The following PDE1C variants were observed in gnomAD, a reference collection of about 807,000 sequenced individuals.
The protein encoded by PDE1C is dual specificity calcium/calmodulin-dependent 3',5'-cyclic nucleotide phosphodiesterase 1C.
Under a neutral mutation model 93.1 loss-of-function variants are expected in PDE1C, and 62 were observed. The ratio of observed to expected loss-of-function variants is 0.67; its 90% CI spans 0.54 to 0.82. The LOEUF is 0.82. PDE1C is among the 40% of genes least tolerant of loss of function. The pLI is 0.00. For synonymous variants in PDE1C, 325 were observed against 310.1 expected (o/e 1.05, Z -0.50); for missense variants, 742 against 884.6 (o/e 0.84, Z 2.04).
the PDE1C span, among the ~76,000 whole-genome samples, chr7:31,694,647 C>T: frequency 6.6e-6 from 1 of 152,082 alleles, no homozygotes; most frequent in African/African-American, 2.4e-5. Context: ...TCTGGAGCAG[C>T]AGGTAAACCA....
intron 2 of PDE1C, among the ~76,000 whole-genome samples, chr7:31,938,342 G>T (rs1805367485): frequency 6.8e-6 from 1 of 146,614 alleles, no homozygotes; most frequent in Non-Finnish European, 1.5e-5. Flanking sequence ...TCACATATTT[G>T]GGTAATTCCA....
intron 16 of PDE1C, among the ~76,000 whole-genome samples, chr7:31,776,560 A>G (rs547119003): frequency 6.6e-6 from 1 of 152,294 alleles, no homozygotes; most frequent in African/African-American, 2.4e-5. Context: ...TCCTGCCAAA[A>G]AATTTTACAT....
chr7:31,969,732 G>C (rs1467771573), intron 2 of PDE1C, among the ~76,000 whole-genome samples: 1 of 152,104 alleles, frequency 6.6e-6, no homozygotes, highest in African/African-American at 2.4e-5. Context: ...GCAAAGACTT[G>C]GAACCAACCC....
intron 2 of PDE1C, among the ~76,000 whole-genome samples, chr7:31,937,498 T>C (rs1805260660): frequency 6.6e-6 from 1 of 152,180 alleles, no homozygotes; most frequent in Non-Finnish European, 1.5e-5. Context: ...AGGCATGTCC[T>C]GGTGCTCCCT....
intron 3 of PDE1C, among the ~76,000 whole-genome samples, chr7:32,132,118 A>T (rs943707762): frequency 6.6e-6 from 1 of 152,058 alleles, no homozygotes; most frequent in African/African-American, 2.4e-5. Flanking sequence ...TGACTTAGGT[A>T]AAGGGTGCTT....
the PDE1C span, among the ~76,000 whole-genome samples, chr7:31,621,878 C>A: frequency 0.25 from 38,100 of 151,590 alleles, 5,658 homozygotes; most frequent in Non-Finnish European, 0.33. Context: ...CATGCAGAGA[C>A]ACATAGGCTC....
intron 2 of PDE1C, among the ~76,000 whole-genome samples, chr7:31,959,595 T>G (rs1453405542): frequency 6.6e-6 from 1 of 152,168 alleles, no homozygotes; most frequent in East Asian, 1.9e-4. Flanking sequence ...AAGACTATGG[T>G]GACAGGAAAT....
At chr7:31,668,222 A>G in the PDE1C span, among the ~76,000 whole-genome samples, 2 of 152,168 alleles carry the variant, frequency 1.3e-5, no homozygotes, top group African/African-American at 4.8e-5. Context: ...TTACATTGCT[A>G]TTGGGAAAGT....
the PDE1C span, among the ~76,000 whole-genome samples, chr7:31,630,393 C>G: frequency 6.6e-6 from 1 of 152,080 alleles, no homozygotes; most frequent in Non-Finnish European, 1.5e-5. Flanking sequence ...AGTTCAAAAT[C>G]AGGCCTACTT....
At chr7:31,859,401 C>CAATAATGTACAATGTACAGTAATGGT (rs1794411990) in intron 7 of PDE1C, among the ~76,000 whole-genome samples, 1 of 148,236 alleles carries the variant, frequency 6.7e-6, no homozygotes, top group Non-Finnish European at 1.5e-5. Context: ...ACAGTAATGG[C>CAATAATGTACAATGTACAGTAATGGT]ACAATATCCT....
intron 3 of PDE1C, among the ~76,000 whole-genome samples, chr7:32,150,199 A>G (rs1014784297): frequency 3.9e-5 from 6 of 152,202 alleles, no homozygotes; most frequent in Admixed American, 2.0e-4. Flanking sequence ...TGGCAGAGCC[A>G]CTTTGCTCCG....
chr7:31,630,917 A>G, the PDE1C span, among the ~76,000 whole-genome samples: 88,981 of 151,952 alleles, frequency 0.59, 26,554 homozygotes, highest in East Asian at 0.83. Flanking sequence ...AAATGTATGA[A>G]ATAAGACCAA....
At chr7:31,916,232 A>C (rs1351299224) in intron 2 of PDE1C, among the ~76,000 whole-genome samples, 1 of 152,188 alleles carries the variant, frequency 6.6e-6, no homozygotes, top group Non-Finnish European at 1.5e-5. Context: ...TCTAGTGAGT[A>C]AGCTACCAGA....
the PDE1C span, among the ~76,000 whole-genome samples, chr7:31,621,100 G>A: frequency 6.6e-6 from 1 of 152,008 alleles, no homozygotes; most frequent in African/African-American, 2.4e-5. Flanking sequence ...AGAAATATGG[G>A]ACTATGTGAA....
rs568926429 is a variant in PDE1C, at chr7:32,410,194, G to A, written c.310+17628C>T. Among the ~76,000 whole-genome samples the A allele has an allele frequency of 1.7e-4, 26 of 152,154 alleles. 1 individual carries two copies. The highest frequency in any genetic ancestry group is 3.4e-3 in the Middle Eastern group (1 of 294). On this transcript the variant is annotated intron_variant, in intron 1 of 1. Transcript: ENST00000672256. ...TTTTTAAAAACCAACCAGGGTGGGC[G>A]TGGTGACACACACCTGTAGTCCTAG...
intron 1 of PDE1C, among the ~76,000 whole-genome samples, chr7:32,225,032 A>G (rs1027833080): frequency 6.6e-6 from 1 of 152,118 alleles, no homozygotes; most frequent in Non-Finnish European, 1.5e-5. Context: ...TAAAAAAAAA[A>G]AAAAGACTAT....
intron 2 of PDE1C, among the ~76,000 whole-genome samples, chr7:32,206,405 T>C (rs577566256): frequency 3.3e-5 from 5 of 152,086 alleles, no homozygotes; most frequent in Non-Finnish European, 7.4e-5. Flanking sequence ...GACCGACAGT[T>C]GCATAAAACA....
the PDE1C span, among the ~76,000 whole-genome samples, chr7:31,648,300 G>A: frequency 1.3e-5 from 2 of 151,988 alleles, no homozygotes; most frequent in Non-Finnish European, 2.9e-5. Context: ...TTTGGTATTT[G>A]GGTTATAATC....
chr7:32,195,803 TA>T (rs1236625954), intron 2 of PDE1C, among the ~76,000 whole-genome samples: 14 of 152,226 alleles, frequency 9.2e-5, no homozygotes, highest in African/African-American at 3.4e-4. Flanking sequence ...TATGGTGCAC[TA>T]CCTTATTATG....
Sources: gnomAD v4.1 joint callset for allele counts (sites outside exome capture counted in the v4.1 genomes callset) on GRCh38, gnomAD v4.1.1 for gene constraint, MANE v1.5 for transcripts, NCBI Gene and HGNC (gene_info 2026-07-23, HGNC 2026-07-21) for gene names.